The following HLCS variants were observed in gnomAD, a reference collection of about 807,000 sequenced individuals.
HLCS encodes the protein holocarboxylase synthetase, also known as biotin--protein ligase.
A neutral mutation model predicts 75.0 loss-of-function variants in HLCS; 53 were observed. The observed-to-expected ratio is 0.71, with a 90% CI of 0.57 to 0.89. The LOEUF (loss-of-function observed/expected upper bound fraction) is 0.89. HLCS is among the 40% of genes least tolerant of loss of function. The pLI, the probability that HLCS is intolerant of heterozygous loss-of-function variation, is 0.00. For missense variants in HLCS, 966 were observed against 1,074.0 expected (o/e 0.90, Z 1.41); for synonymous variants, 431 against 428.6 (o/e 1.01, Z -0.07).
At chr21:36,850,644 A>C (rs1004212200) in intron 6 of HLCS, among the ~76,000 whole-genome samples, 1 of 152,138 alleles carries the variant, frequency 6.6e-6, no homozygotes, top group African/African-American at 2.4e-5. Context: ...TCCTTGTGGA[A>C]TGGCGAAGGG....
chr21:36,832,555 C>A (rs969631247), intron 6 of HLCS, among the ~76,000 whole-genome samples: 13 of 152,172 alleles, frequency 8.5e-5, no homozygotes, highest in African/African-American at 3.1e-4. Flanking sequence ...AGCCATTGCT[C>A]ATTTAATACT....
intron 6 of HLCS, among the ~76,000 whole-genome samples, chr21:36,784,781 G>A (rs558017564): frequency 4.9e-4 from 74 of 152,140 alleles, no homozygotes; most frequent in African/African-American, 1.6e-3. Context: ...TTTTCTAAAA[G>A]TAAATACTAC....
chr21:36,932,118 C>T (rs952735593), intron 4 of HLCS, among the ~76,000 whole-genome samples: 7 of 152,198 alleles, frequency 4.6e-5, no homozygotes, highest in Non-Finnish European at 1.0e-4. Flanking sequence ...GCCACGCGGC[C>T]ACCCACCATG....
intron 6 of HLCS, among the ~76,000 whole-genome samples, chr21:36,890,203 T>TGTAA (rs2064718662): frequency 6.6e-6 from 1 of 152,300 alleles, no homozygotes; most frequent in African/African-American, 2.4e-5. Context: ...CTCTTTCCTT[T>TGTAA]GTAAATTACC....
intron 6 of HLCS, among the ~76,000 whole-genome samples, chr21:36,873,395 C>T (rs1441180708): frequency 3.3e-5 from 5 of 152,190 alleles, no homozygotes; most frequent in South Asian, 2.1e-4. Flanking sequence ...GGATCACAAG[C>T]GTGAGCCACC....
chr21:36,833,247 T>C (rs928484979), intron 6 of HLCS, among the ~76,000 whole-genome samples: 2 of 151,120 alleles, frequency 1.3e-5, no homozygotes, highest in Non-Finnish European at 3.0e-5. Context: ...AGGCTGGTTC[T>C]TGAACTCCTG....
chr21:36,833,977 G>A (rs185275621), intron 6 of HLCS, among the ~76,000 whole-genome samples: 21 of 152,310 alleles, frequency 1.4e-4, no homozygotes, highest in African/African-American at 4.8e-4. Context: ...AACTGCATGG[G>A]TCCACTTATA....
chr21:36,821,061 C>T (rs1320291396), intron 6 of HLCS, among the ~76,000 whole-genome samples: 2 of 152,144 alleles, frequency 1.3e-5, no homozygotes, highest in Non-Finnish European at 2.9e-5. Context: ...AGGCCTGATT[C>T]TCATGTCAAA....
chr21:36,957,958 T>C (rs1203506113), intron 2 of HLCS, among the ~76,000 whole-genome samples: 1 of 145,780 alleles, frequency 6.9e-6, no homozygotes, highest in Non-Finnish European at 1.5e-5. Context: ...CCGGGCGCGG[T>C]GGCTCACGCC....
chr21:36,862,911 C>A (rs2063427765), intron 6 of HLCS, among the ~76,000 whole-genome samples: 1 of 151,946 alleles, frequency 6.6e-6, no homozygotes, highest in South Asian at 2.1e-4. Flanking sequence ...CCATGTTACG[C>A]CCCTAATTCA....
At chr21:36,898,429 A>C (rs2065099447) in intron 5 of HLCS, among the ~76,000 whole-genome samples, 1 of 136,794 alleles carries the variant, frequency 7.3e-6, no homozygotes, top group Non-Finnish European at 1.5e-5. Context: ...CTGGCAACAA[A>C]GAGTGAAACT....
chr21:36,842,151 T>C lies in HLCS; in HGVS notation c.1892+54709A>G, dbSNP rs892736125. On this transcript the variant is annotated intron_variant, in intron 6 of 10. Coordinates refer to ENST00000674895, the MANE Select transcript of HLCS (RefSeq NM_001352514.2). This position sits in a 1 kb window ranked among gnomAD's most constrained non-coding sequence, Gnocchi z 4.2. The stretch of plus-strand genomic sequence containing the variant: ...AAGAAGTATTTTATGGCAATGAGAA[T>C]GAACAAACTATAGCAACAACACAGA... Among the ~76,000 whole-genome samples, 1 of 152,148 alleles carries C rather than the reference T, an allele frequency of 6.6e-6. No individual in the cohort carries two copies. Among genetic ancestry groups the C allele is most frequent in the African/African-American group, 2.4e-5 (1 of 41,434 alleles).
intron 6 of HLCS, among the ~76,000 whole-genome samples, chr21:36,828,919 A>G (rs557032508): frequency 6.6e-6 from 1 of 152,382 alleles, no homozygotes; most frequent in East Asian, 1.9e-4. Context: ...ATGCACAATG[A>G]TTAGACTATG....
chr21:36,788,178 C>A (rs1486094260), intron 6 of HLCS, among the ~76,000 whole-genome samples: 1 of 152,216 alleles, frequency 6.6e-6, no homozygotes, highest in Non-Finnish European at 1.5e-5. Context: ...CACACTCATG[C>A]CAAATGCTCG....
chr21:36,790,362 C>T (rs933201406), intron 6 of HLCS, among the ~76,000 whole-genome samples: 14 of 152,262 alleles, frequency 9.2e-5, no homozygotes, highest in African/African-American at 2.9e-4. Flanking sequence ...TGAGATCGTG[C>T]GACTGCACTC....
At chr21:36,834,596 G>A (rs1193584540) in intron 6 of HLCS, among the ~76,000 whole-genome samples, 2 of 152,158 alleles carry the variant, frequency 1.3e-5, no homozygotes, top group South Asian at 2.1e-4. Context: ...TCACTCTGTC[G>A]CCAGGCTGGA....
intron 6 of HLCS, among the ~76,000 whole-genome samples, chr21:36,869,624 C>A (rs759014801): frequency 6.6e-6 from 1 of 152,144 alleles, no homozygotes; most frequent in East Asian, 1.9e-4. Flanking sequence ...TCATGATACA[C>A]GGAGAACAAA....
At chr21:36,826,024 G>GT (rs1354034667) in intron 6 of HLCS, among the ~76,000 whole-genome samples, 47 of 151,258 alleles carry the variant, frequency 3.1e-4, no homozygotes, top group African/African-American at 1.1e-3. Flanking sequence ...AGAGTAAGAA[G>GT]TTATTTTTTT....
intron 6 of HLCS, among the ~76,000 whole-genome samples, chr21:36,888,802 G>C (rs1020284137): frequency 1.3e-5 from 2 of 152,050 alleles, no homozygotes; most frequent in South Asian, 2.1e-4. Context: ...CAAGGTCACA[G>C]AGCTAGTGAA....
Sources: gnomAD v4.1 joint callset for allele counts (sites outside exome capture counted in the v4.1 genomes callset) on GRCh38, gnomAD v4.1.1 for gene constraint, Gnocchi (gnomAD v3.1) non-coding constraint, MANE v1.5 for transcripts, NCBI Gene and HGNC (gene_info 2026-07-23, HGNC 2026-07-21) for gene names.